The following PTPRD variants were observed in gnomAD, a reference collection of about 807,000 sequenced individuals.
PTPRD encodes receptor-type tyrosine-protein phosphatase delta.
Under a neutral mutation model 214.5 loss-of-function variants are expected in PTPRD, and 34 were observed. That is an observed-to-expected ratio of 0.16 (90% CI 0.12 to 0.21). The LOEUF (loss-of-function observed/expected upper bound fraction) is 0.21, where lower values mean the gene tolerates loss of function less well. PTPRD is among the 10% of genes least tolerant of loss of function. The pLI is 1.00. For missense variants in PTPRD, 2,545 were observed against 2,398.7 expected (o/e 1.06, Z -1.27); for synonymous variants, 1,128 against 845.7 (o/e 1.33, Z -5.79).
At chr9:9,688,960 TA>T (rs1426916430) in intron 7 of PTPRD, among the ~76,000 whole-genome samples, 6 of 151,834 alleles carry the variant, frequency 4.0e-5, no homozygotes, top group Non-Finnish European at 5.9e-5. Context: ...TACATAGATG[TA>T]TACATACATA....
Position 8,633,475 on chromosome 9 carries a change from T to A in PTPRD, c.211-17A>T, listed in dbSNP as rs183039681. On this transcript the variant is annotated splice_polypyrimidine_tract_variant and intron_variant, in intron 13 of 45. Coordinates refer to ENST00000381196, the MANE Select transcript of PTPRD (RefSeq NM_002839.4). ...CTCTATTACCTATTAGAGGAAACAA[T>A]AGCTGTCACAGGTGTTGTTACAATT... is the stretch of plus-strand genomic sequence containing the variant. 1 of 1,609,288 alleles carries A rather than the reference T, an allele frequency of 6.2e-7. No homozygotes were observed. The highest frequency in any genetic ancestry group is 8.5e-7 in the Non-Finnish European group (1 of 1,177,484).
chr9:9,167,521 G>A (rs904795994), intron 10 of PTPRD, among the ~76,000 whole-genome samples: 4 of 152,038 alleles, frequency 2.6e-5, no homozygotes, highest in Non-Finnish European at 5.9e-5. Context: ...TTGGGAGACC[G>A]AGGTGGGTGG....
At chr9:9,778,274 G>C (rs765640118) in intron 5 of PTPRD, among the ~76,000 whole-genome samples, 5 of 152,066 alleles carry the variant, frequency 3.3e-5, no homozygotes, top group Non-Finnish European at 2.9e-5. Context: ...GTGAGTGCAG[G>C]AACTAAGGGA....
intron 10 of PTPRD, among the ~76,000 whole-genome samples, chr9:9,151,222 G>A (rs745539573): frequency 6.6e-6 from 1 of 152,162 alleles, no homozygotes; most frequent in African/African-American, 2.4e-5. Context: ...TGGGGAGTCT[G>A]AGGTTTTTGT....
At chr9:8,484,605 G>GAT (rs1392070274) in intron 29 of PTPRD, among the ~76,000 whole-genome samples, 28 of 121,428 alleles carry the variant, frequency 2.3e-4, no homozygotes, top group African/African-American at 9.7e-4. Flanking sequence ...AATACACAAA[G>GAT]ATAGATATAT....
chr9:10,543,046 A>G (rs1284250293), intron 2 of PTPRD, among the ~76,000 whole-genome samples: 1 of 150,350 alleles, frequency 6.7e-6, no homozygotes, highest in Non-Finnish European at 1.5e-5. Flanking sequence ...CTACCTCAAC[A>G]GGACAATTTT....
At chr9:8,601,753 A>T (rs1442609967) in intron 14 of PTPRD, among the ~76,000 whole-genome samples, 1 of 152,216 alleles carries the variant, frequency 6.6e-6, no homozygotes, top group Non-Finnish European at 1.5e-5. Flanking sequence ...GTAAATTCTT[A>T]AACGAATAGC....
At chr9:10,125,491 G>A (rs1212018831) in intron 3 of PTPRD, among the ~76,000 whole-genome samples, 1 of 138,942 alleles carries the variant, frequency 7.2e-6, no homozygotes, top group African/African-American at 2.7e-5. Flanking sequence ...GTCTTGCTCT[G>A]TTCCCCAGGT....
At chr9:10,355,817 T>C (rs1377093700) in intron 2 of PTPRD, among the ~76,000 whole-genome samples, 3 of 151,936 alleles carry the variant, frequency 2.0e-5, no homozygotes, top group African/African-American at 4.8e-5. Flanking sequence ...ACTTAAAACA[T>C]AGAGTATGAA....
At chr9:8,409,206 G>A (rs2093315665) in intron 35 of PTPRD, among the ~76,000 whole-genome samples, 2 of 152,116 alleles carry the variant, frequency 1.3e-5, no homozygotes, top group African/African-American at 4.8e-5. Flanking sequence ...AGAAGTAGTT[G>A]CCATTATGAT....
chr9:9,143,394 C>T (rs988959737), intron 10 of PTPRD, among the ~76,000 whole-genome samples: 5 of 152,138 alleles, frequency 3.3e-5, no homozygotes, highest in Non-Finnish European at 7.4e-5. Flanking sequence ...CCACTTTCTA[C>T]AATTATTTAA....
At position 8,546,048 on chromosome 9, in the gene PTPRD, G is replaced by C. The variant is rs560660512; in HGVS notation, c.353-17269C>G. Reference sequence around the variant, plus strand: ...CTATTTAGCCTTAACACAGATCAGTGGTAACATCTGAGATGCTTCACTTAA... The same window carrying C: ...CTATTTAGCCTTAACACAGATCAGTCGTAACATCTGAGATGCTTCACTTAA... On this transcript the variant is annotated intron_variant, in intron 14 of 45. Coordinates refer to ENST00000381196, the MANE Select transcript of PTPRD (RefSeq NM_002839.4). Among the ~76,000 whole-genome samples, 4 of 152,250 alleles carry C rather than the reference G, an allele frequency of 2.6e-5. No homozygotes were observed. The South Asian group carries it at 8.3e-4, about 32-fold the overall frequency.
At chr9:10,236,248 A>G (rs1212725852) in intron 3 of PTPRD, among the ~76,000 whole-genome samples, 3 of 151,942 alleles carry the variant, frequency 2.0e-5, no homozygotes, top group Non-Finnish European at 4.4e-5. Context: ...AGTTTGATAC[A>G]GATTTAATTG....
chr9:9,023,164 T>C (rs918691623), intron 10 of PTPRD, among the ~76,000 whole-genome samples: 3 of 152,152 alleles, frequency 2.0e-5, no homozygotes, highest in South Asian at 2.1e-4. Flanking sequence ...TAAAGTACTA[T>C]AGACTGCACA....
intron 3 of PTPRD, among the ~76,000 whole-genome samples, chr9:10,338,251 A>G (rs887811676): frequency 2.7e-4 from 41 of 151,640 alleles, no homozygotes; most frequent in African/African-American, 9.4e-4. Flanking sequence ...TAAGTGCTAT[A>G]GCTCAGTGCC....
At chr9:8,530,876 C>T (rs895028698) in intron 14 of PTPRD, among the ~76,000 whole-genome samples, 1 of 151,972 alleles carries the variant, frequency 6.6e-6, no homozygotes, top group Non-Finnish European at 1.5e-5. Context: ...TAAGGAAAAG[C>T]GTAGACTCTG....
chr9:8,676,895 G>C (rs1300120594), intron 12 of PTPRD, among the ~76,000 whole-genome samples: 2 of 151,926 alleles, frequency 1.3e-5, no homozygotes, highest in African/African-American at 4.8e-5. Context: ...ATATTTTGTT[G>C]TTGTTAAAAA....
At chr9:9,904,225 C>T (rs2077040734) in intron 5 of PTPRD, among the ~76,000 whole-genome samples, 1 of 151,962 alleles carries the variant, frequency 6.6e-6, no homozygotes, top group African/African-American at 2.4e-5. Flanking sequence ...TGTTTTCAGC[C>T]AAACGTTTGA....
rs548245517 is a variant in PTPRD, at chr9:10,588,862, A to G, written c.-600+23536T>C. ...TATACTCCCTTTACTGCTTTATTTT[A>G]TTTTCTCCTTAGCAGATAACAGTAT... On this transcript the variant is annotated intron_variant, in intron 2 of 45. Transcript: ENST00000381196. Among the ~76,000 whole-genome samples the G allele has an allele frequency of 1.2e-3, 184 of 151,760 alleles. 1 individual carries two copies. The highest frequency in any genetic ancestry group is 5.5e-4 in the Non-Finnish European group (37 of 67,830).
Sources: allele counts gnomAD v4.1 joint callset (sites outside exome capture counted in the v4.1 genomes callset), GRCh38; gene constraint gnomAD v4.1.1; transcripts MANE v1.5; gene names NCBI Gene and HGNC (gene_info 2026-07-23, HGNC 2026-07-21).